The following ODAD1 variants were observed in gnomAD, a reference collection of about 807,000 sequenced individuals.
ODAD1 encodes the protein outer dynein arm-docking complex subunit 1.
Under a neutral mutation model 67.2 loss-of-function variants are expected in ODAD1, and 49 were observed. The ratio of observed to expected loss-of-function variants is 0.73; its 90% confidence interval spans 0.58 to 0.92. The LOEUF (loss-of-function observed/expected upper bound fraction) is 0.92, where lower values mean the gene tolerates loss of function less well. Among genes scored for constraint, ODAD1 ranks in the 40% least tolerant of loss-of-function variants. ODAD1 has a pLI of 0.00. For missense variants in ODAD1, 897 were observed against 953.7 expected, an observed-to-expected ratio of 0.94 and a Z score of 0.78; for synonymous variants, 345 against 393.7, an observed-to-expected ratio of 0.88 and a Z score of 1.46.
In ODAD1 at chr19:48,319,135, C is replaced by T. The variant is rs115837592; in HGVS notation, c.71-323G>A. Among the ~76,000 whole-genome samples the T allele has an allele frequency of 8.1e-3, 1,235 of 152,168 alleles. 21 individuals carry two copies. The highest frequency in any genetic ancestry group is 0.028 in the African/African-American group (1,173 of 41,506). ...TTGGGAAGGCTCTTGCTCCCTCCCT[C>T]CTTTTCTGCCCCACCATCAGCAGCC... On this transcript the variant is annotated intron_variant, in intron 3 of 15. Transcript: ENST00000674294.
At chr19:48,321,422 A>C in intron 1 of ODAD1, 1 of 169,048 alleles carries the variant, frequency 5.9e-6, no homozygotes. Context: ...GTGAGTGGGA[A>C]GAACTTCGAG....
At chr19:48,310,930 C>T (rs1055634873) in intron 7 of ODAD1, among the ~76,000 whole-genome samples, 37 of 149,746 alleles carry the variant, frequency 2.5e-4, no homozygotes, top group African/African-American at 7.4e-4. Flanking sequence ...AAAAAAAAAT[C>T]GGCCGGGTGT....
intron 3 of ODAD1, 58 bp from the exon 4 acceptor site, chr19:48,318,870 AC>A: frequency 9.2e-7 from 1 of 1,086,066 alleles, no homozygotes; most frequent in Non-Finnish European, 1.4e-6. Context: ...GCTCCTCCCA[AC>A]CCAGGACCTA....
In ODAD1 at chr19:48,303,791, G is replaced by A. The variant is rs768968498; in HGVS notation, c.854-7C>T. 1 of 1,604,208 alleles carries A rather than the reference G, an allele frequency of 6.2e-7. No individual in the cohort carries two copies. Among genetic ancestry groups the A allele is most frequent in the Non-Finnish European group, 8.5e-7 (1 of 1,174,952 alleles). On this transcript the variant is annotated splice_polypyrimidine_tract_variant and splice_region_variant and intron_variant, in intron 9 of 15. Transcript: ENST00000674294. ...CCCTCGGCCACCTCCCCGGCTAGGG[G>A]AAGAGAGAACAGCAGGTCGGCCTCC...
chr19:48,313,566 C>A (rs937883561), intron 5 of ODAD1, among the ~76,000 whole-genome samples: 1 of 151,780 alleles, frequency 6.6e-6, no homozygotes, highest in African/African-American at 2.4e-5. Flanking sequence ...GGCCCTAATC[C>A]ACTACGACGA....
chr19:48,296,973 G>C lies in ODAD1; in HGVS notation c.*3C>G, dbSNP rs758271530. The C allele has an allele frequency of 5.0e-6, 8 of 1,589,310 alleles. No individual in the cohort carries two copies. In the East Asian group the frequency reaches 1.6e-4, roughly 31 times the overall value. ...GCAGGGTGGGGGCTGCGTGCCCCTC[G>C]TGTTAGCCCCGGGAGTCTTTGCTGG... On this transcript the variant is annotated 3_prime_UTR_variant, in exon 16 of 16. Coordinates refer to ENST00000674294, the MANE Select transcript of ODAD1 (RefSeq NM_001364171.2).
In ODAD1 at chr19:48,306,338, GA is replaced by G. The variant is rs1462198000; in HGVS notation, c.598-16del. On this transcript the variant is annotated splice_polypyrimidine_tract_variant and intron_variant, in intron 7 of 15. Coordinates refer to ENST00000674294, the MANE Select transcript of ODAD1 (RefSeq NM_001364171.2). ...TGGTGGATCTCCTGTGGGGGGAGGA[GA>G]AAAAAATCAGTGCCACTTCTTACAA... 2.6e-6 allele frequency: 4 copies of G among 1,549,854 alleles called. No homozygotes were observed. Among genetic ancestry groups the G allele is most frequent in the Non-Finnish European group, 3.5e-6 (4 of 1,145,722 alleles).
rs1475330151 is a variant in ODAD1, at chr19:48,314,201, G to T, written c.361-2085C>A. The stretch of plus-strand genomic sequence containing the variant: ...GAGGCTGCAGTGAGCTGAGAGATTG[G>T]GTGACATGTCTACAAGCCAAAGTAC... On this transcript the variant is annotated intron_variant, in intron 5 of 15. Transcript: ENST00000674294. Among the ~76,000 whole-genome samples, 3 of 152,040 alleles carry T rather than the reference G, an allele frequency of 2.0e-5. No individual in the cohort carries two copies. The East Asian group carries it at 5.8e-4, about 29-fold the overall frequency.
chr19:48,318,116 C>T lies in ODAD1; in HGVS notation c.360+271G>A, dbSNP rs140877646. ...AAACTATTCTCCTGCTTCAGCCTCT[C>T]GAGTAGCTGGGATTACAGGCATGTG... On this transcript the variant is annotated intron_variant, in intron 5 of 15. Transcript: ENST00000674294. Among the ~76,000 whole-genome samples, 3,552 of 152,184 alleles carry T rather than the reference C, an allele frequency of 0.023. 190 individuals carry two copies. The highest frequency in any genetic ancestry group is 0.2 in the East Asian group (1,015 of 5,162).
At chr19:48,298,488 A>T in intron 12 of ODAD1, 148 bp from the exon 13 acceptor site, 1 of 742,452 alleles carries the variant, frequency 1.3e-6, no homozygotes, top group Non-Finnish European at 2.2e-6. Context: ...TCAGCCAGCC[A>T]GGCAGGGGGA....
intron 5 of ODAD1, among the ~76,000 whole-genome samples, chr19:48,317,564 C>T (rs1859857493): frequency 1.3e-5 from 2 of 152,180 alleles, no homozygotes; most frequent in Non-Finnish European, 2.9e-5. Flanking sequence ...ACATGCGAAC[C>T]TTTCCTGCTT....
At position 48,311,546 on chromosome 19, in the gene ODAD1, CA is replaced by C; in HGVS notation, c.597+6del. The C allele has an allele frequency of 6.6e-7, 1 of 1,519,130 alleles. No individual in the cohort carries two copies. The highest frequency in any genetic ancestry group is 8.9e-7 in the Non-Finnish European group (1 of 1,117,732). 94.1% of individuals were successfully genotyped at this position (1,519,130 alleles called of 1,614,324 possible). On this transcript the variant is annotated splice_donor_region_variant and intron_variant, in intron 7 of 15. Coordinates refer to ENST00000674294, the MANE Select transcript of ODAD1 (RefSeq NM_001364171.2). ...TGTCTCCTCCCCTGGATTTCAGGGC[CA>C]CTGACCTTCTTCAGCTTGCGGTCCA...
At position 48,298,335 on chromosome 19, in the gene ODAD1, G is replaced by A; in HGVS notation, c.1246C>T (p.Gln416Ter). The A allele has an allele frequency of 1.2e-6, 2 of 1,614,032 alleles. No individual in the cohort carries two copies. Among genetic ancestry groups the A allele is most frequent in the Non-Finnish European group, 8.5e-7 (1 of 1,179,972 alleles). Residue 416 changes from glutamine to a stop codon, truncating the protein, a stop_gained, in exon 13 of 16, where the codon CAG becomes TAG. Coordinates refer to ENST00000674294, the MANE Select transcript of ODAD1 (RefSeq NM_001364171.2). LOFTEE classifies it high-confidence loss of function. Reference sequence around the variant, plus strand: ...CAATGGGCCTTGGTGAAGAGGAGCTGGATATCTGCGTCATGGAGGGCCGGT... The same window carrying A: ...CAATGGGCCTTGGTGAAGAGGAGCTAGATATCTGCGTCATGGAGGGCCGGT... ...GQLEKLKADI[Q>*]LLFTKAHCDS...
At chr19:48,300,290 G>A (rs187754217) in intron 12 of ODAD1, among the ~76,000 whole-genome samples, 7 of 152,014 alleles carry the variant, frequency 4.6e-5, no homozygotes, top group African/African-American at 7.2e-5. Context: ...GCAAAAGAGC[G>A]AAATTCCTCT....
At chr19:48,303,338 A>G (rs1293381541) in intron 10 of ODAD1, 10 of 611,348 alleles carry the variant, frequency 1.6e-5, no homozygotes, top group Non-Finnish European at 2.6e-5. Context: ...ACTCGGCAAT[A>G]GCAAGGGAGA....
At chr19:48,305,922 G>A (rs765177997) in intron 8 of ODAD1, among the ~76,000 whole-genome samples, 4 of 151,858 alleles carry the variant, frequency 2.6e-5, no homozygotes, top group Non-Finnish European at 5.9e-5. Context: ...AGCCAGCCAC[G>A]GTGCCGGGCA....
Position 48,321,658 on chromosome 19 carries a change from G to A in ODAD1, c.-64+20C>T. The A allele has an allele frequency of 2.6e-6, 1 of 387,724 alleles. No homozygotes were observed. Among genetic ancestry groups the A allele is most frequent in the Non-Finnish European group, 4.6e-6 (1 of 219,210 alleles). 24.0% of individuals were successfully genotyped at this position (387,724 alleles called of 1,614,324 possible). A position where few individuals can be genotyped will look rare whatever the true frequency, so the allele number is the denominator to read the frequency against. On this transcript the variant is annotated intron_variant, in intron 1 of 15. Transcript: ENST00000674294. ...GTCGAAATGGTCCTGGGGAGGTCGAGGCTGAGGTCTCACTAGTACCGCGGG... is the reference window on the plus strand; with the variant it reads ...GTCGAAATGGTCCTGGGGAGGTCGAAGCTGAGGTCTCACTAGTACCGCGGG...
intron 7 of ODAD1, 37 bp from the exon 8 acceptor site, chr19:48,306,360 T>C (rs1359860209): frequency 6.6e-6 from 10 of 1,508,614 alleles, no homozygotes; most frequent in Non-Finnish European, 9.0e-6. Context: ...TGCCACTTCT[T>C]ACAACCCCAT....
intron 5 of ODAD1, 91 bp from the exon 6 acceptor site, chr19:48,312,207 ACAT>A: frequency 1.1e-6 from 1 of 911,210 alleles, no homozygotes. Context: ...AGCATGGCAA[ACAT>A]CTGCTGTCCC....
Sources: gnomAD v4.1 joint callset for allele counts (sites outside exome capture counted in the v4.1 genomes callset) on GRCh38, gnomAD v4.1.1 for gene constraint, MANE v1.5 for transcripts, NCBI Gene and HGNC (gene_info 2026-07-23, HGNC 2026-07-21) for gene names.